Variants in DNASE1L1 observed in about 807,000 individuals in gnomAD.
DNASE1L1 encodes the protein deoxyribonuclease-1-like 1.
In DNASE1L1, 8 loss-of-function variants were observed where a neutral mutation model predicts 18.6. That is an observed-to-expected ratio of 0.43 (90% confidence interval 0.25 to 0.78). The LOEUF (loss-of-function observed/expected upper bound fraction) is 0.78, where lower values mean the gene tolerates loss of function less well. Among genes scored for constraint, DNASE1L1 ranks in the 30% least tolerant of loss-of-function variants. The pLI is 0.23. For synonymous variants in DNASE1L1, 114 were observed against 114.2 expected (o/e 1.00, Z 0.01); for missense variants, 214 against 258.2 (o/e 0.83, Z 1.17).
Position 154,403,034 on chromosome X carries a change from G to A in DNASE1L1, c.682C>T (p.Arg228Cys), listed in dbSNP as rs782791446. ...CAGCGCTCCCCGTGCAGCACGACGC[G>A]GTCATAGGTGCAGTGGGTGCTGGCC... is the stretch of plus-strand genomic sequence containing the variant. Reference protein sequence around the residue: ...VRASTHCTYDRVVLHGERCRS... With the variant: ...VRASTHCTYDCVVLHGERCRS... Residue 228 changes from arginine (R) to cysteine (C), a missense_variant, in exon 7 of 8, where the codon CGC becomes TGC. Physicochemically the swap from Arg to Cys is radical, Grantham distance 180 (BLOSUM62 -3). Coordinates refer to ENST00000369807, the MANE Select transcript of DNASE1L1 (RefSeq NM_001303620.2). 24 of 1,210,456 alleles carry A rather than the reference G, an allele frequency of 2.0e-5. No individual in the cohort carries two copies. The highest frequency in any genetic ancestry group is 2.5e-5 in the Non-Finnish European group (22 of 895,362).
chrX:154,402,740 T>C lies in DNASE1L1; in HGVS notation c.876A>G (p.Ser292=), dbSNP rs1474278692. 1 of 1,208,455 alleles carries C rather than the reference T, an allele frequency of 8.3e-7. No individual in the cohort carries two copies. The highest frequency in any genetic ancestry group is 1.1e-6 in the Non-Finnish European group (1 of 894,500). ...PLSLTVLLLL[S]LLSPQLCPAA ...CAGGGCACAGCTGAGGGGACAGGAG[T>C]GATAGCAGCAACAGAACAGTGAGGC... Residue 292 remains serine (S), a synonymous_variant, in exon 8 of 8, where the codon TCA becomes TCG. Transcript: ENST00000369807.
rs1557187205 is a variant in DNASE1L1, at chrX:154,402,937, T to C, written c.774+5A>G. 3 of 1,209,624 alleles carry C rather than the reference T, an allele frequency of 2.5e-6. No individual in the cohort carries two copies. The South Asian group carries it at 5.3e-5, about 21-fold the overall frequency. Reference sequence around the variant, plus strand: ...TCCCTCCTCATGCCAGCCCCATCCCTTCACCTCCTCCTCGGTGAGCTGGAA... The same window carrying C: ...TCCCTCCTCATGCCAGCCCCATCCCCTCACCTCCTCCTCGGTGAGCTGGAA... On this transcript the variant is annotated splice_donor_5th_base_variant and intron_variant, in intron 7 of 7. Transcript: ENST00000369807.
intron 1 of DNASE1L1, among the ~76,000 whole-genome samples, chrX:154,407,767 C>CTTTTTTTTTT (rs1232966344): frequency 1.4e-5 from 1 of 71,545 alleles, no homozygotes; most frequent in African/African-American, 5.3e-5. Context: ...GGCCCCCCCC[C>CTTTTTTTTTT]TTTTTTTTTT....
chrX:154,404,420 T>A (rs1439815417), intron 4 of DNASE1L1, among the ~76,000 whole-genome samples: 1 of 111,575 alleles, frequency 9.0e-6, no homozygotes, highest in East Asian at 2.8e-4. Flanking sequence ...GGATCCTGAC[T>A]CCAAAGGGCT....
At chrX:154,410,983 G>A (rs1193154483), upstream of DNASE1L1, among the ~76,000 whole-genome samples, 1 of 112,430 alleles carries the variant, frequency 8.9e-6, no homozygotes, top group African/African-American at 3.2e-5. Context: ...ACTAGAGGTA[G>A]TAGCTGACAT....
At chrX:154,410,873 T>TA (rs2068265757), upstream of DNASE1L1, among the ~76,000 whole-genome samples, 1 of 110,372 alleles carries the variant, frequency 9.1e-6, no homozygotes, top group Non-Finnish European at 1.9e-5. Flanking sequence ...GCGAGACTCC[T>TA]AAAAAAATAA....
chrX:154,404,933 G>A lies in DNASE1L1; in HGVS notation c.225-19C>T, dbSNP rs1557187976. ...ATCAAATCTGCCAAGAAAAGGGGAG[G>A]CGGGGTCAGGGCCTCAAGCCTCTGG... On this transcript the variant is annotated intron_variant, in intron 3 of 7. Transcript: ENST00000369807. The A allele has an allele frequency of 1.7e-6, 2 of 1,207,936 alleles. No homozygotes were observed. Among genetic ancestry groups the A allele is most frequent in the Admixed American group, 4.4e-5 (2 of 45,897 alleles).
At position 154,402,688 on chromosome X, in the gene DNASE1L1, TG is replaced by T. The variant is rs782050602; in HGVS notation, c.*18del. The T allele has an allele frequency of 1.6e-5, 19 of 1,196,030 alleles. No homozygotes were observed. Among genetic ancestry groups the T allele is most frequent in the Non-Finnish European group, 7.9e-6 (7 of 887,134 alleles). ...TTAAGTCCCAAAAGGCAGCAGGCCC[TG>T]GGGGGGTAGGGGGACGCTCAGGCAG... On this transcript the variant is annotated 3_prime_UTR_variant, in exon 8 of 8. Transcript: ENST00000369807.
At position 154,403,308 on chromosome X, in the gene DNASE1L1, G is replaced by A. The variant is rs368820912; in HGVS notation, c.486C>T (p.Tyr162=). 4.6e-4 allele frequency: 561 copies of A among 1,209,837 alleles called. 1 individual carries two copies. The highest frequency in any genetic ancestry group is 5.8e-4 in the Non-Finnish European group (520 of 895,075). Residue 162 remains tyrosine, a synonymous_variant, in exon 6 of 8, where the codon TAC becomes TAT. Coordinates refer to ENST00000369807, the MANE Select transcript of DNASE1L1 (RefSeq NM_001303620.2). ...GCTGGGAGACCTCCAGAAACACATCGTAGAGGGCGTTCAGCTCCTTCTCTA... is the reference window on the plus strand; with the variant it reads ...GCTGGGAGACCTCCAGAAACACATCATAGAGGGCGTTCAGCTCCTTCTCTA... The part of the protein sequence containing the change: ...KAVEKELNAL[Y]DVFLEVSQHW...
upstream of DNASE1L1, chrX:154,410,069 T>G (rs1557189561): frequency 9.0e-6 from 1 of 110,814 alleles, no homozygotes; most frequent in Non-Finnish European, 1.9e-5. Flanking sequence ...TGAAACCCGT[T>G]TCTACTAAAA....
At chrX:154,408,362 G>C (rs1409128706) in intron 1 of DNASE1L1, among the ~76,000 whole-genome samples, 2 of 112,145 alleles carry the variant, frequency 1.8e-5, no homozygotes, top group African/African-American at 6.5e-5. Flanking sequence ...CCACTTGTGA[G>C]ATGTTCTCTT....
At position 154,401,876 on chromosome X, in the gene DNASE1L1, C is replaced by A. The variant is rs1209961393; in HGVS notation, c.*831G>T. 8.9e-6 allele frequency: 1 copy of A among 111,878 alleles called. No homozygotes were observed. Among genetic ancestry groups the A allele is most frequent in the East Asian group, 2.8e-4 (1 of 3,602 alleles). The allele number at this position is 111,878 out of a possible 1,213,427, so 9.2% of individuals were successfully genotyped here. On this transcript the variant is annotated 3_prime_UTR_variant, in exon 8 of 8. Transcript: ENST00000369807. ...AAATGTGATTATAGTTAACACATGA[C>A]CCTTCTAGCGTCCCAGCCAGTGTTT...
chrX:154,404,903 G>A lies in DNASE1L1; in HGVS notation c.236C>T (p.Ser79Phe). The change falls in exon 4 of 8, where the codon TCT becomes TTT. Residue 79 changes from serine to phenylalanine, a missense_variant. Transcript: ENST00000369807. ...LLRELNRFDG[S>F]GPYSTLSSPQ... ...GCTGCTCAGGGTGCTGTAGGGCCCA[G>A]AGCCATCAAATCTGCCAAGAAAAGG... 2 of 1,211,553 alleles carry A rather than the reference G, an allele frequency of 1.7e-6. No homozygotes were observed. The highest frequency in any genetic ancestry group is 2.2e-6 in the Non-Finnish European group (2 of 895,317).
upstream of DNASE1L1, chrX:154,409,736 G>A (rs1272859852): frequency 8.9e-6 from 1 of 112,554 alleles, no homozygotes; most frequent in African/African-American, 3.2e-5. Flanking sequence ...GAAGTCAAGG[G>A]AGGACTGAGG....
chrX:154,402,860 G>A lies in DNASE1L1; in HGVS notation c.775-19C>T, dbSNP rs1557187175. The A allele has an allele frequency of 8.3e-7, 1 of 1,206,453 alleles. No homozygotes were observed. The highest frequency in any genetic ancestry group is 1.8e-5 in the South Asian group (1 of 56,525). Reference sequence around the variant, plus strand: ...TGAGGGCCTGGGAATGGGTGGTGGGGCAGTGTCAGTGCCCGGGGCCGAGGG... The same window carrying A: ...TGAGGGCCTGGGAATGGGTGGTGGGACAGTGTCAGTGCCCGGGGCCGAGGG... On this transcript the variant is annotated intron_variant, in intron 7 of 7. Coordinates refer to ENST00000369807, the MANE Select transcript of DNASE1L1 (RefSeq NM_001303620.2).
upstream of DNASE1L1, chrX:154,411,530 C>T (rs1204115940): frequency 9.0e-6 from 3 of 333,651 alleles, no homozygotes; most frequent in Non-Finnish European, 1.6e-5. Flanking sequence ...TGGGCACCGG[C>T]GCAGGTTCGC....
At chrX:154,406,747 C>A (rs1400885476) in intron 1 of DNASE1L1, among the ~76,000 whole-genome samples, 2 of 100,153 alleles carry the variant, frequency 2.0e-5, no homozygotes, top group Non-Finnish European at 4.0e-5. Context: ...TGGGCTCAAG[C>A]AATTCTCCTG....
chrX:154,407,570 C>T (rs1237778555), intron 1 of DNASE1L1, among the ~76,000 whole-genome samples: 1 of 96,963 alleles, frequency 1.0e-5, no homozygotes, highest in East Asian at 3.4e-4. Flanking sequence ...TGACCCACTG[C>T]GCCTGGCCTA....
At chrX:154,403,904 T>A (rs1557187735) in intron 4 of DNASE1L1, among the ~76,000 whole-genome samples, 1 of 111,648 alleles carries the variant, frequency 9.0e-6, no homozygotes, top group African/African-American at 3.3e-5. Flanking sequence ...AATAAAAACA[T>A]AACATCCATT....
Sources: allele counts gnomAD v4.1 joint callset (sites outside exome capture counted in the v4.1 genomes callset), GRCh38; gene constraint gnomAD v4.1.1; transcripts MANE v1.5; gene names NCBI Gene and HGNC (gene_info 2026-07-23, HGNC 2026-07-21).